Variants in NDRG4 observed in about 807,000 individuals in gnomAD.
NDRG4 encodes protein NDRG4.
A neutral mutation model predicts 55.8 loss-of-function variants in NDRG4; 38 were observed. The ratio of observed to expected loss-of-function variants is 0.68; its 90% confidence interval spans 0.53 to 0.89. NDRG4 has a LOEUF of 0.89. Ranked by LOEUF, NDRG4 falls within the 40% of genes least tolerant of loss-of-function variation. NDRG4 has a pLI of 0.00. For synonymous variants in NDRG4, 190 were observed against 182.7 expected (o/e 1.04, Z -0.32); for missense variants, 455 against 468.6 (o/e 0.97, Z 0.27).
chr16:58,464,689 C>T lies in NDRG4; in HGVS notation c.-24+892C>T. 6.1e-6 allele frequency: 7 copies of T among 1,156,388 alleles called. No homozygotes were observed. The highest frequency in any genetic ancestry group is 7.7e-6 in the Non-Finnish European group (7 of 906,358). 71.6% of individuals were successfully genotyped at this position (1,156,388 alleles called of 1,614,324 possible). On this transcript the variant is annotated intron_variant, in intron 1 of 15. Coordinates refer to the NDRG4 transcript ENST00000258187. The surrounding 1 kb of genome is among the most constrained non-coding windows in gnomAD (Gnocchi z 4.8). Reference sequence around the variant, plus strand: ...CGCTGGCGTCCGGGCTGCGGGAGCACCGGTCAGGGGGTGGCCCCATGGGGT... The same window carrying T: ...CGCTGGCGTCCGGGCTGCGGGAGCATCGGTCAGGGGGTGGCCCCATGGGGT...
chr16:58,514,143 T>C (rs1306249611), downstream of NDRG4, among the ~76,000 whole-genome samples: 1 of 152,188 alleles, frequency 6.6e-6, no homozygotes, highest in Non-Finnish European at 1.5e-5. Flanking sequence ...TACTCTGCAA[T>C]CTATAACCAG....
At position 58,465,385 on chromosome 16, in the gene NDRG4, T is replaced by C. The variant is rs1006333490; in HGVS notation, c.-24+1588T>C. 3.1e-5 allele frequency: 11 copies of C among 358,276 alleles called. No homozygotes were observed. The Admixed American group carries it at 3.3e-4, about 11-fold the overall frequency. The allele number at this position is 358,276 out of a possible 1,614,324, so 22.2% of individuals were successfully genotyped here. ...CGCTCAGGAAACGGTGGAATCCGAGTCGGGGGCAGCTTTTGAAGACCTCGA... is the reference window on the plus strand; with the variant it reads ...CGCTCAGGAAACGGTGGAATCCGAGCCGGGGGCAGCTTTTGAAGACCTCGA... On this transcript the variant is annotated intron_variant, in intron 1 of 15. Coordinates refer to the NDRG4 transcript ENST00000258187.
Position 58,507,718 on chromosome 16 carries a change from C to T in NDRG4, c.621-90C>T, listed in dbSNP as rs181799643. On this transcript the variant is annotated intron_variant, in intron 8 of 14. Transcript: ENST00000570248. ...TGCAGAGCAGGTCCACGCCTCCCTG[C>T]TTTACCAATTGGCAGTGTTGGGCTT... is the stretch of plus-strand genomic sequence containing the variant. 4 of 1,303,638 alleles carry T rather than the reference C, an allele frequency of 3.1e-6. No homozygotes were observed. The Admixed American group carries it at 5.5e-5, about 18-fold the overall frequency. The allele number at this position is 1,303,638 out of a possible 1,614,324, so 80.8% of individuals were successfully genotyped here.
upstream of NDRG4, chr16:58,499,842 CT>C: frequency 2.9e-6 from 1 of 343,844 alleles, no homozygotes; most frequent in Non-Finnish European, 5.6e-6. Context: ...GTGGTCTCGG[CT>C]TTTGTATTCG....
chr16:58,464,678 C>A lies in NDRG4; in HGVS notation c.-24+881C>A. On this transcript the variant is annotated intron_variant, in intron 1 of 15. Transcript: ENST00000258187. The surrounding 1 kb of genome is among the most constrained non-coding windows in gnomAD (Gnocchi z 4.8). The stretch of plus-strand genomic sequence containing the variant: ...CGAGTCCCTGGCGCTGGCGTCCGGG[C>A]TGCGGGAGCACCGGTCAGGGGGTGG... 1 of 1,100,142 alleles carries A rather than the reference C, an allele frequency of 9.1e-7. No individual in the cohort carries two copies. 68.1% of individuals were successfully genotyped at this position (1,100,142 alleles called of 1,614,324 possible). A position where few individuals can be genotyped will look rare whatever the true frequency, so the allele number is the denominator to read the frequency against.
upstream of NDRG4, chr16:58,499,783 C>T: frequency 3.5e-6 from 1 of 286,212 alleles, no homozygotes; most frequent in Non-Finnish European, 6.8e-6. Flanking sequence ...GTAAGCTGTG[C>T]ATGTCTGTGA....
intron 14 of NDRG4, chr16:58,511,168 G>A: frequency 3.8e-6 from 2 of 529,476 alleles, no homozygotes; most frequent in South Asian, 2.7e-5. Context: ...AGGCACGGCT[G>A]GAAACCCAGC....
chr16:58,504,169 A>C lies in NDRG4; in HGVS notation c.143A>C (p.Asn48Thr). ...DVGLNHKLCF[N>T]TFFNFEDMQE... ...GTCTTTGCAGACAAACTATGCTTCA[A>C]CACCTTCTTCAACTTCGAGGACATG... is the stretch of plus-strand genomic sequence containing the variant. Residue 48 changes from asparagine to threonine, a missense_variant, in exon 3 of 15, where the codon AAC (asparagine) becomes ACC (threonine). By Grantham distance (65) the Asn-to-Thr change is moderately conservative (BLOSUM62 0). Coordinates refer to ENST00000570248, the MANE Select transcript of NDRG4 (RefSeq NM_001242835.2). The C allele has an allele frequency of 6.2e-7, 1 of 1,614,188 alleles. No individual in the cohort carries two copies. Among genetic ancestry groups the C allele is most frequent in the Non-Finnish European group, 8.5e-7 (1 of 1,180,048 alleles).
chr16:58,514,082 C>CTCTT (rs1472031217), downstream of NDRG4, among the ~76,000 whole-genome samples: 1 of 152,236 alleles, frequency 6.6e-6, no homozygotes, highest in African/African-American at 2.4e-5. Context: ...AAATGACCTA[C>CTCTT]TCTTTGCCTT....
intron 1 of NDRG4, among the ~76,000 whole-genome samples, chr16:58,474,136 A>C (rs2033288319): frequency 6.9e-6 from 1 of 144,942 alleles, no homozygotes. Context: ...TCCCAGGTTC[A>C]AGTGATTCTC....
chr16:58,498,396 G>A (rs1010927525), upstream of NDRG4, among the ~76,000 whole-genome samples: 3 of 152,162 alleles, frequency 2.0e-5, no homozygotes, highest in Non-Finnish European at 4.4e-5. Context: ...CCCCCAGGCA[G>A]AGGACATGAC....
At chr16:58,483,323 G>A (rs1398529118) in intron 1 of NDRG4, among the ~76,000 whole-genome samples, 2 of 152,046 alleles carry the variant, frequency 1.3e-5, no homozygotes, top group Admixed American at 6.6e-5. Flanking sequence ...AGTGGGAGGG[G>A]CCTGCTGGCT....
rs3048060 is a variant in NDRG4, at chr16:58,509,939, G to GACAC, written c.865+605_865+608dup. Among the ~76,000 whole-genome samples, 31 of 149,860 alleles carry GACAC rather than the reference G, an allele frequency of 2.1e-4. 1 individual carries two copies. The highest frequency in any genetic ancestry group is 2.5e-4 in the Non-Finnish European group (17 of 67,314). On this transcript the variant is annotated intron_variant, in intron 13 of 14. Coordinates refer to ENST00000570248, the MANE Select transcript of NDRG4 (RefSeq NM_001242835.2). ...GGGTGGAACCAGGTACACACACACA[G>GACAC]ACACACACACACACACACACAACAC...
chr16:58,510,286 C>T (rs1044778220), intron 13 of NDRG4, among the ~76,000 whole-genome samples: 1 of 152,242 alleles, frequency 6.6e-6, no homozygotes, highest in African/African-American at 2.4e-5. Context: ...CGCTGAGACG[C>T]GTTCTCAGGG....
Position 58,512,290 on chromosome 16 carries a change from C to G in NDRG4, c.*714C>G, listed in dbSNP as rs377442447. ...TCCCAATTCTGAGCCAAGGCCTCCCCGAGGCAGAAGTTGCCTGGTCCTCTG... is the reference window on the plus strand; with the variant it reads ...TCCCAATTCTGAGCCAAGGCCTCCCGGAGGCAGAAGTTGCCTGGTCCTCTG... On this transcript the variant is annotated 3_prime_UTR_variant, in exon 15 of 15. Transcript: ENST00000570248. 8.5e-6 allele frequency: 3 copies of G among 351,946 alleles called. No individual in the cohort carries two copies. 21.8% of individuals were successfully genotyped at this position (351,946 alleles called of 1,614,324 possible). A position where few individuals can be genotyped will look rare whatever the true frequency, so the allele number is the denominator to read the frequency against.
chr16:58,492,322 C>A (rs1267158877), intron 2 of NDRG4, among the ~76,000 whole-genome samples: 1 of 152,090 alleles, frequency 6.6e-6, no homozygotes, highest in African/African-American at 2.4e-5. Flanking sequence ...CACCTGTTCT[C>A]CTCCTCGTGC....
chr16:58,485,882 A>G (rs966974266), intron 1 of NDRG4, among the ~76,000 whole-genome samples: 2 of 152,032 alleles, frequency 1.3e-5, no homozygotes, highest in Admixed American at 6.6e-5. Flanking sequence ...TTTTCTTCCA[A>G]TTTTTTTCTG....
chr16:58,510,604 C>T (rs965223760), intron 13 of NDRG4, 41 bp from the exon 14 acceptor site: 3 of 1,519,380 alleles, frequency 2.0e-6, no homozygotes, highest in Non-Finnish European at 1.8e-6. Flanking sequence ...GTTGTGTCTC[C>T]CCCATCCCCG....
At chr16:58,502,896 G>A (rs1055126772) in intron 1 of NDRG4, among the ~76,000 whole-genome samples, 1 of 152,212 alleles carries the variant, frequency 6.6e-6, no homozygotes, top group Non-Finnish European at 1.5e-5. Context: ...AAGGAACAGC[G>A]AGAAGGGCAT....
Sources: gnomAD v4.1 joint callset for allele counts (sites outside exome capture counted in the v4.1 genomes callset) on GRCh38, gnomAD v4.1.1 for gene constraint, Gnocchi (gnomAD v3.1) non-coding constraint, MANE v1.5 for transcripts, NCBI Gene and HGNC (gene_info 2026-07-23, HGNC 2026-07-21) for gene names.